CRISPLD2: variants seen among roughly 807,000 people sequenced by gnomAD.
CRISPLD2 encodes the protein cysteine rich secretory protein LCCL domain containing 2.
In CRISPLD2, 47 loss-of-function variants were observed where a neutral mutation model predicts 71.1. The observed-to-expected ratio is 0.66, with a 90% CI of 0.52 to 0.84. The LOEUF (loss-of-function observed/expected upper bound fraction) is 0.84. Among genes scored for constraint, CRISPLD2 ranks in the 40% least tolerant of loss-of-function variants. The pLI is 0.00. For missense variants in CRISPLD2, 830 were observed against 651.1 expected (o/e 1.27, Z -2.99); for synonymous variants, 317 against 250.1 (o/e 1.27, Z -2.52).
chr16:84,863,601 C>T (rs1374585741), intron 6 of CRISPLD2, among the ~76,000 whole-genome samples: 2 of 152,358 alleles, frequency 1.3e-5, no homozygotes, highest in South Asian at 2.1e-4. Flanking sequence ...CCCTTACCCT[C>T]TCTGAGCCTT....
At chr16:84,833,534 G>C (rs112047304) in intron 1 of CRISPLD2, among the ~76,000 whole-genome samples, 6,517 of 152,310 alleles carry the variant, frequency 0.043, 396 homozygotes, top group Admixed American at 0.18. Flanking sequence ...ATCAGGGGTA[G>C]AAGAGCAGAG....
At chr16:84,862,133 G>A (rs1917400693) in intron 6 of CRISPLD2, among the ~76,000 whole-genome samples, 1 of 152,118 alleles carries the variant, frequency 6.6e-6, no homozygotes, top group Non-Finnish European at 1.5e-5. Context: ...CCCTGACTGT[G>A]CTAGAGGTTT....
intron 1 of CRISPLD2, among the ~76,000 whole-genome samples, chr16:84,820,626 A>G (rs1186456161): frequency 1.3e-5 from 2 of 152,182 alleles, no homozygotes; most frequent in East Asian, 1.9e-4. Context: ...TTTGCAAGGT[A>G]GCCTTCTTCC....
chr16:84,864,489 G>C (rs1418573163), intron 6 of CRISPLD2, among the ~76,000 whole-genome samples: 1 of 152,240 alleles, frequency 6.6e-6, no homozygotes, highest in Non-Finnish European at 1.5e-5. Context: ...GGGCAAGCCT[G>C]AATAGCCTCA....
chr16:84,901,047 A>C (rs535285054), intron 14 of CRISPLD2, among the ~76,000 whole-genome samples: 1,601 of 141,390 alleles, frequency 0.011, 19 homozygotes, highest in South Asian at 0.07. Context: ...ACACACACGC[A>C]AAAAAAAAAA....
intron 13 of CRISPLD2, 38 bp from the exon 14 acceptor site, chr16:84,889,192 A>G: frequency 1.9e-6 from 3 of 1,613,478 alleles, no homozygotes; most frequent in South Asian, 1.1e-5. Flanking sequence ...ATGAGCTGGA[A>G]TCCGCATCGC....
chr16:84,837,415 CTT>C (rs770665907), intron 1 of CRISPLD2, among the ~76,000 whole-genome samples: 2 of 112,972 alleles, frequency 1.8e-5, no homozygotes, highest in African/African-American at 3.0e-5. Context: ...CCATAGCTTG[CTT>C]TTTTTTTTTT....
At chr16:84,845,638 C>A (rs578059739) in intron 2 of CRISPLD2, 148 bp from the exon 3 acceptor site, 64 of 644,286 alleles carry the variant, frequency 9.9e-5, no homozygotes, top group East Asian at 7.7e-4. Context: ...GCCACGCCCC[C>A]CTGGCTGATT....
chr16:84,863,266 C>T (rs892388426), intron 6 of CRISPLD2: 8 of 152,194 alleles, frequency 5.3e-5, no homozygotes, highest in African/African-American at 1.2e-4. Context: ...AGTTTACCTC[C>T]ACCAACATAG....
At chr16:84,873,436 T>G in intron 10 of CRISPLD2, 1 of 150,758 alleles carries the variant, frequency 6.6e-6, no homozygotes, top group Non-Finnish European at 1.3e-5. Context: ...TAAGATAGTG[T>G]CACTGCACTC....
rs535833136 is a variant in CRISPLD2, at chr16:84,834,966, T to C, written c.-74-3456T>C. On this transcript the variant is annotated intron_variant, in intron 1 of 14. Coordinates refer to ENST00000262424, the MANE Select transcript of CRISPLD2 (RefSeq NM_031476.4). ...ATTTGGAGGTCCTGGACATTAGGGC[T>C]CCAGTGTGTGAGTTTGGGGAAAACC... Among the ~76,000 whole-genome samples, 90 of 152,250 alleles carry C rather than the reference T, an allele frequency of 5.9e-4. 1 individual carries two copies. In the Middle Eastern group the frequency reaches 0.01, roughly 17 times the overall value.
intron 6 of CRISPLD2, among the ~76,000 whole-genome samples, chr16:84,859,247 A>G (rs2641703): frequency 0.83 from 126,420 of 152,062 alleles, 52,710 homozygotes; most frequent in East Asian, 0.92. Flanking sequence ...CACAGGATGA[A>G]TCTAGGGACC....
At chr16:84,864,199 A>G (rs1917473417) in intron 6 of CRISPLD2, among the ~76,000 whole-genome samples, 1 of 152,056 alleles carries the variant, frequency 6.6e-6, no homozygotes, top group Non-Finnish European at 1.5e-5. Flanking sequence ...CTCTGCACGG[A>G]ATTTCCCCAG....
At chr16:84,891,816 C>T (rs908802954) in intron 14 of CRISPLD2, among the ~76,000 whole-genome samples, 5 of 152,142 alleles carry the variant, frequency 3.3e-5, no homozygotes, top group Admixed American at 1.3e-4. Flanking sequence ...CCACCCGCCC[C>T]ACTATCACCC....
At position 84,902,391 on chromosome 16, in the gene CRISPLD2, C is replaced by G. The variant is rs573231501; in HGVS notation, c.1440-4197C>G. Among the ~76,000 whole-genome samples the G allele has an allele frequency of 2.0e-5, 3 of 151,726 alleles. No homozygotes were observed. The East Asian group carries it at 6.0e-4, about 30-fold the overall frequency. On this transcript the variant is annotated intron_variant, in intron 14 of 14. Coordinates refer to ENST00000262424, the MANE Select transcript of CRISPLD2 (RefSeq NM_031476.4). ...TTGGGAGGCCGAGGAGGGTGGATCG[C>G]AAGGTCAGGACATCGAGACTATCCT...
chr16:84,906,483 T>C, intron 14 of CRISPLD2, 105 bp from the exon 15 acceptor site: 2 of 1,167,164 alleles, frequency 1.7e-6, no homozygotes, highest in Non-Finnish European at 2.5e-6. Flanking sequence ...GCTCTTCCAC[T>C]ACGGGAGCAA....
At chr16:84,826,625 C>T (rs1255453659) in intron 1 of CRISPLD2, among the ~76,000 whole-genome samples, 1 of 151,992 alleles carries the variant, frequency 6.6e-6, no homozygotes, top group East Asian at 1.9e-4. Context: ...ACGGTTTATT[C>T]CCCGGGACCT....
chr16:84,882,173 A>G (rs1336698223), intron 13 of CRISPLD2, among the ~76,000 whole-genome samples: 1 of 152,114 alleles, frequency 6.6e-6, no homozygotes, highest in Non-Finnish European at 1.5e-5. Context: ...GCCAAATACA[A>G]ACAAACACAT....
Position 84,902,370 on chromosome 16 carries a change from G to T in CRISPLD2, c.1440-4218G>T, listed in dbSNP as rs553413003. ...CACGCCTGTAATTCCAGCACTTTGG[G>T]AGGCCGAGGAGGGTGGATCGCAAGG... On this transcript the variant is annotated intron_variant, in intron 14 of 14. Coordinates refer to ENST00000262424, the MANE Select transcript of CRISPLD2 (RefSeq NM_031476.4). 3.9e-5 allele frequency among the ~76,000 whole-genome samples: 6 copies of T among 151,992 alleles called. No homozygotes were observed. The South Asian group carries it at 1.2e-3, about 32-fold the overall frequency.
Sources: allele counts gnomAD v4.1 joint callset (sites outside exome capture counted in the v4.1 genomes callset), GRCh38; gene constraint gnomAD v4.1.1; transcripts MANE v1.5; gene names NCBI Gene and HGNC (gene_info 2026-07-23, HGNC 2026-07-21).